Variants in ALDH1L1 observed in about 807,000 individuals in gnomAD.
ALDH1L1 encodes the protein cytosolic 10-formyltetrahydrofolate dehydrogenase.
Under a neutral mutation model 101.1 loss-of-function variants are expected in ALDH1L1, and 68 were observed. That is an observed-to-expected ratio of 0.67 (90% CI 0.55 to 0.82). The LOEUF is 0.82. Ranked by LOEUF, ALDH1L1 falls within the 40% of genes least tolerant of loss-of-function variation. The pLI is 0.00. For missense variants in ALDH1L1, 1,087 were observed against 1,172.7 expected (o/e 0.93, Z 1.07); for synonymous variants, 486 against 470.8 (o/e 1.03, Z -0.42).
chr3:126,195,507 G>A (rs1421291936), intron 1 of ALDH1L1, among the ~76,000 whole-genome samples: 2 of 152,158 alleles, frequency 1.3e-5, no homozygotes, highest in Non-Finnish European at 2.9e-5. Context: ...CTTTTACACT[G>A]TTGGTGGGAC....
chr3:126,155,356 G>T, intron 5 of ALDH1L1, 46 bp downstream of exon 5: 1 of 1,560,918 alleles, frequency 6.4e-7, no homozygotes, highest in Non-Finnish European at 8.7e-7. Context: ...TACAACCCCA[G>T]TCTGCTCACA....
chr3:126,180,448 C>T, intron 1 of ALDH1L1, 28 bp downstream of exon 1: 1 of 988,800 alleles, frequency 1.0e-6, no homozygotes, highest in Non-Finnish European at 1.2e-6. Context: ...GCCGGGAGTC[C>T]AGCGCTCTCG....
chr3:126,144,924 T>C (rs538509052), intron 9 of ALDH1L1, among the ~76,000 whole-genome samples: 2 of 152,194 alleles, frequency 1.3e-5, no homozygotes, highest in South Asian at 4.1e-4. Context: ...CTGCAAACCA[T>C]GTATCTGATA....
chr3:126,139,450 C>T (rs1353033991), intron 9 of ALDH1L1, among the ~76,000 whole-genome samples: 4 of 152,148 alleles, frequency 2.6e-5, no homozygotes, highest in Non-Finnish European at 5.9e-5. Flanking sequence ...TCCCGAATTA[C>T]CACAACATAA....
chr3:126,178,484 A>T (rs1042708000), intron 1 of ALDH1L1, among the ~76,000 whole-genome samples: 1 of 151,986 alleles, frequency 6.6e-6, no homozygotes, highest in Non-Finnish European at 1.5e-5. Context: ...GGAACTCTGC[A>T]CTCCGTCCTC....
intron 1 of ALDH1L1, among the ~76,000 whole-genome samples, chr3:126,166,208 C>T (rs1300401847): frequency 6.6e-6 from 1 of 152,150 alleles, no homozygotes; most frequent in Non-Finnish European, 1.5e-5. Flanking sequence ...ACCTCCCCTG[C>T]CATTCTCCCT....
At chr3:126,155,322 C>T in intron 5 of ALDH1L1, 80 bp downstream of exon 5, 1 of 1,310,084 alleles carries the variant, frequency 7.6e-7, no homozygotes, top group South Asian at 1.4e-5. Context: ...CTGGGCTGAA[C>T]CCCAGCCTCC....
In ALDH1L1 at chr3:126,130,300, G is replaced by A. The variant is rs1259476397; in HGVS notation, c.1624-7C>T. ...TGATGGGGATGGTGGAGCCCTGGAA[G>A]AGGAACAGGGGCAGTCACCCAGGGG... On this transcript the variant is annotated splice_region_variant and splice_polypyrimidine_tract_variant and intron_variant, in intron 13 of 22. Transcript: ENST00000393434. 1.9e-6 allele frequency: 3 copies of A among 1,606,146 alleles called. No homozygotes were observed. Among genetic ancestry groups the A allele is most frequent in the East Asian group, 4.5e-5 (2 of 44,260 alleles).
At chr3:126,119,921 C>T (rs1201320006) in intron 16 of ALDH1L1, among the ~76,000 whole-genome samples, 2 of 152,178 alleles carry the variant, frequency 1.3e-5, no homozygotes, top group Non-Finnish European at 2.9e-5. Context: ...ACTAAAACAG[C>T]AATGAGATAC....
chr3:126,183,990 A>G (rs1046589221), upstream of ALDH1L1, among the ~76,000 whole-genome samples: 1 of 152,174 alleles, frequency 6.6e-6, no homozygotes, highest in African/African-American at 2.4e-5. Context: ...AAACTCTCTG[A>G]TGCTCTTCCA....
At chr3:126,110,388 C>T (rs996658471) in intron 19 of ALDH1L1, 7 of 476,344 alleles carry the variant, frequency 1.5e-5, no homozygotes, top group African/African-American at 9.7e-5. Flanking sequence ...GGACAGAGGC[C>T]GGCATATTTG....
intron 9 of ALDH1L1, among the ~76,000 whole-genome samples, chr3:126,142,262 A>C (rs1300065442): frequency 6.6e-6 from 1 of 152,342 alleles, no homozygotes; most frequent in South Asian, 2.1e-4. Flanking sequence ...AATTCTACCA[A>C]ACATTTGAAG....
At position 126,150,534 on chromosome 3, in the gene ALDH1L1, G is replaced by A. The variant is rs1345516131; in HGVS notation, c.859-3C>T. The A allele has an allele frequency of 6.5e-7, 1 of 1,550,038 alleles. No homozygotes were observed. Among genetic ancestry groups the A allele is most frequent in the East Asian group, 2.4e-5 (1 of 40,842 alleles). ...AGCTGAATATTCTTCACCAGCAGCT[G>A]CAAAAGGAAGGATTTCTTTTCTTTT... On this transcript the variant is annotated splice_polypyrimidine_tract_variant and splice_region_variant and intron_variant, in intron 7 of 22. Transcript: ENST00000393434.
chr3:126,157,572 C>G, intron 3 of ALDH1L1, 64 bp from the exon 4 acceptor site: 1 of 1,557,846 alleles, frequency 6.4e-7, no homozygotes, highest in Non-Finnish European at 8.7e-7. Flanking sequence ...GTCCTGGGTA[C>G]AGGCCCGTGG....
chr3:126,136,681 G>C, intron 11 of ALDH1L1, 83 bp downstream of exon 11: 1 of 1,527,454 alleles, frequency 6.5e-7, no homozygotes, highest in Middle Eastern at 1.8e-4. Context: ...TCAGGGTCAG[G>C]ACCCCCAGAG....
At chr3:126,121,907 T>A (rs1285937190) in intron 16 of ALDH1L1, among the ~76,000 whole-genome samples, 1 of 152,086 alleles carries the variant, frequency 6.6e-6, no homozygotes, top group African/African-American at 2.4e-5. Flanking sequence ...GAAGCTAAGT[T>A]CTTGGTGACT....
At chr3:126,185,578 C>T (rs900113149), upstream of ALDH1L1, among the ~76,000 whole-genome samples, 1 of 152,058 alleles carries the variant, frequency 6.6e-6, no homozygotes, top group Non-Finnish European at 1.5e-5. Context: ...AAGAATGATG[C>T]ATTGGTGCAT....
intron 9 of ALDH1L1, among the ~76,000 whole-genome samples, chr3:126,145,579 C>G (rs1291886380): frequency 6.6e-6 from 1 of 152,206 alleles, no homozygotes. Flanking sequence ...AAAAGCCAGT[C>G]ACAGAAGGAC....
At chr3:126,143,581 G>T (rs956208699) in intron 9 of ALDH1L1, among the ~76,000 whole-genome samples, 18 of 152,148 alleles carry the variant, frequency 1.2e-4, no homozygotes, top group African/African-American at 4.1e-4. Flanking sequence ...AGGCAATTAG[G>T]CAAGAAAGAA....
Sources: gnomAD v4.1 joint callset for allele counts (sites outside exome capture counted in the v4.1 genomes callset) on GRCh38, gnomAD v4.1.1 for gene constraint, MANE v1.5 for transcripts, NCBI Gene and HGNC (gene_info 2026-07-23, HGNC 2026-07-21) for gene names.